UMODL1: variants seen among roughly 807,000 people sequenced by gnomAD.
The protein encoded by UMODL1 is uromodulin-like 1.
A neutral mutation model predicts 136.3 loss-of-function variants in UMODL1; 128 were observed. That is an observed-to-expected ratio of 0.94 (90% CI 0.81 to 1.09). UMODL1 has a LOEUF of 1.09. UMODL1 is among the 50% of genes least tolerant of loss of function. UMODL1 has a pLI of 0.00. For missense variants in UMODL1, 1,766 were observed against 1,725.6 expected (o/e 1.02, Z -0.41); for synonymous variants, 721 against 720.0 (o/e 1.00, Z -0.02).
chr21:42,075,241 TGG>T (rs35546438), intron 1 of UMODL1, among the ~76,000 whole-genome samples: 18 of 143,022 alleles, frequency 1.3e-4, no homozygotes, highest in South Asian at 1.2e-3. Context: ...TTGCTGGAGA[TGG>T]GGGGGGGGTT....
At position 42,110,958 on chromosome 21, in the gene UMODL1, C is replaced by T. The variant is rs373957343; in HGVS notation, c.1736C>T (p.Ala579Val). 6.8e-6 allele frequency: 11 copies of T among 1,613,080 alleles called. No individual in the cohort carries two copies. Among genetic ancestry groups the T allele is most frequent in the South Asian group, 4.4e-5 (4 of 90,774 alleles). ...GTCCCAGGTCTTGGCACGGGAACAG[C>T]AGCCCTCGGCCTAGAGAACTTCACC... The part of the protein sequence containing the change: ...VTVPGLGTGT[A>V]ALGLENFTLS... The change falls in exon 11 of 23, where the codon GCA becomes GTA. Residue 579 changes from alanine (A) to valine (V), a missense_variant. Ala to Val is a moderately conservative substitution (Grantham distance 64). Coordinates refer to ENST00000408910, the MANE Select transcript of UMODL1 (RefSeq NM_001004416.3).
At chr21:42,091,857 G>A (rs1184731548) in intron 6 of UMODL1, among the ~76,000 whole-genome samples, 1 of 152,240 alleles carries the variant, frequency 6.6e-6, no homozygotes, top group Non-Finnish European at 1.5e-5. Flanking sequence ...ACCTCCAGGT[G>A]ACACTTAAAC....
rs371714871 is a variant in UMODL1, at chr21:42,120,193, T to C, written c.2689+869T>C. 2.0e-5 allele frequency among the ~76,000 whole-genome samples: 3 copies of C among 152,386 alleles called. 1 individual carries two copies. In the East Asian group the frequency reaches 5.8e-4, roughly 29 times the overall value. ...GTCTCTTTACTGCTGACATGAATAC[T>C]GGTGAAAGTGTAGTGAGGCAGGTGT... On this transcript the variant is annotated intron_variant, in intron 15 of 22. Coordinates refer to ENST00000408910, the MANE Select transcript of UMODL1 (RefSeq NM_001004416.3).
upstream of UMODL1, among the ~76,000 whole-genome samples, chr21:42,067,551 G>A (rs531830854): frequency 2.0e-5 from 3 of 152,350 alleles, no homozygotes; most frequent in South Asian, 6.2e-4. Context: ...ACTGGACTGA[G>A]GGTATTTGGC....
At chr21:42,124,739 G>A (rs1022089197) in intron 17 of UMODL1, among the ~76,000 whole-genome samples, 1 of 152,126 alleles carries the variant, frequency 6.6e-6, no homozygotes, top group Non-Finnish European at 1.5e-5. Context: ...GGAACTCTGG[G>A]CCCTGGGCTT....
At chr21:42,112,563 CCCCAGCTGTTTTGTACCT>C (rs1244037781) in intron 12 of UMODL1, among the ~76,000 whole-genome samples, 13 of 151,780 alleles carry the variant, frequency 8.6e-5, no homozygotes, top group Admixed American at 3.9e-4. Flanking sequence ...TGTTCTGTAC[CCCCAGCTGTTTTGTACCT>C]CCCAGCTCTT....
chr21:42,075,220 A>T (rs1007944740), intron 1 of UMODL1, among the ~76,000 whole-genome samples: 13 of 142,414 alleles, frequency 9.1e-5, no homozygotes, highest in East Asian at 4.1e-4. Context: ...GCTAATTTTT[A>T]AAAAATATTT....
intron 1 of UMODL1, among the ~76,000 whole-genome samples, chr21:42,065,444 G>T (rs1305774923): frequency 6.6e-6 from 1 of 152,164 alleles, no homozygotes; most frequent in Non-Finnish European, 1.5e-5. Flanking sequence ...CGAAATGCTG[G>T]TGCAGGTGTG....
Position 42,113,766 on chromosome 21 carries a change from G to C in UMODL1, c.2298G>C (p.Leu766=). 2 of 1,614,102 alleles carry C rather than the reference G, an allele frequency of 1.2e-6. No homozygotes were observed. The highest frequency in any genetic ancestry group is 1.7e-6 in the Non-Finnish European group (2 of 1,180,036). ...GGCTGGAGCCTGGGGTCTTGCACCT[G>C]GTTGAGATCATGGCCAAAGCATGTG... is the stretch of plus-strand genomic sequence containing the variant. ...LSGLEPGVLH[L]VEIMAKACGK... Residue 766 remains leucine, a synonymous_variant, in exon 13 of 23, where the codon CTG becomes CTC. Coordinates refer to ENST00000408910, the MANE Select transcript of UMODL1 (RefSeq NM_001004416.3).
intron 11 of UMODL1, 87 bp downstream of exon 11, chr21:42,111,208 C>T (rs749456273): frequency 6.5e-7 from 1 of 1,529,654 alleles, no homozygotes; most frequent in Non-Finnish European, 8.8e-7. Context: ...GCCAGGGGAG[C>T]CTCAGACAGG....
In UMODL1 at chr21:42,108,840, G is replaced by A. The variant is rs910841909; in HGVS notation, c.1520-722G>A. On this transcript the variant is annotated intron_variant, in intron 9 of 22. Coordinates refer to ENST00000408910, the MANE Select transcript of UMODL1 (RefSeq NM_001004416.3). ...ACCCGGGTGCTCTAGAATATGGCGC[G>A]GGAAGTTCATGTTGTACTCCGCTGG... Among the ~76,000 whole-genome samples, 48 of 152,230 alleles carry A rather than the reference G, an allele frequency of 3.2e-4. 1 individual carries two copies. Among genetic ancestry groups the A allele is most frequent in the African/African-American group, 1.0e-3 (43 of 41,542 alleles).
intron 21 of UMODL1, among the ~76,000 whole-genome samples, chr21:42,137,199 C>T (rs1371237045): frequency 1.3e-5 from 2 of 152,252 alleles, no homozygotes; most frequent in Non-Finnish European, 2.9e-5. Flanking sequence ...ACCTGCTGGT[C>T]CCGCGCAGCC....
chr21:42,133,241 C>T (rs1291290993), intron 21 of UMODL1, among the ~76,000 whole-genome samples: 2 of 152,238 alleles, frequency 1.3e-5, no homozygotes. Flanking sequence ...ACAGGTTCCT[C>T]AGGACCTCAC....
chr21:42,140,449 A>C (rs220180), intron 22 of UMODL1, among the ~76,000 whole-genome samples: 1 of 151,200 alleles, frequency 6.6e-6, no homozygotes, highest in African/African-American at 2.4e-5. Flanking sequence ...CCCAGGTCAC[A>C]TGGCTGGGAG....
At chr21:42,070,527 T>C (rs528038388), upstream of UMODL1, among the ~76,000 whole-genome samples, 37 of 152,260 alleles carry the variant, frequency 2.4e-4, no homozygotes, top group Non-Finnish European at 4.7e-4. Flanking sequence ...CTTATATAAC[T>C]GTACAGAGTT....
chr21:42,063,314 C>T (rs1310151316), intron 1 of UMODL1: 1 of 152,364 alleles, frequency 6.6e-6, no homozygotes, highest in Non-Finnish European at 1.5e-5. Context: ...GTGACCTGGG[C>T]CAAGGGCCCT....
At chr21:42,116,063 G>C in intron 14 of UMODL1, 78 bp downstream of exon 14, 5 of 1,231,710 alleles carry the variant, frequency 4.1e-6, no homozygotes, top group South Asian at 1.3e-5. Context: ...GGTTAGGCAC[G>C]GTGGCTCACC....
Position 42,115,968 on chromosome 21 carries a change from G to C in UMODL1, c.2458G>C (p.Glu820Gln), listed in dbSNP as rs755554207. 8 of 1,613,204 alleles carry C rather than the reference G, an allele frequency of 5.0e-6. No homozygotes were observed. The highest frequency in any genetic ancestry group is 2.7e-5 in the African/African-American group (2 of 74,820). The stretch of plus-strand genomic sequence containing the variant: ...CAGCCAGGAGTATCGAGATTTCCTA[G>C]AACTATTCTTCAGGATGGTGAGTTG... ...ASSQEYRDFLELFFRMVRGSL... is the reference protein window; with the variant it reads ...ASSQEYRDFLQLFFRMVRGSL... Residue 820 changes from glutamate to glutamine, a missense_variant, in exon 14 of 23, where the codon GAA (glutamate) becomes CAA (glutamine). Coordinates refer to ENST00000408910, the MANE Select transcript of UMODL1 (RefSeq NM_001004416.3).
Position 42,134,760 on chromosome 21 carries a change from G to A in UMODL1, c.3776-2679G>A, listed in dbSNP as rs552568443. On this transcript the variant is annotated intron_variant, in intron 21 of 22. Coordinates refer to ENST00000408910, the MANE Select transcript of UMODL1 (RefSeq NM_001004416.3). ...CTCCTGAGTAGCTGGGACTACAGGC[G>A]CGCACTACCAAGTCTGGCTATTTTT... Among the ~76,000 whole-genome samples, 24 of 150,936 alleles carry A rather than the reference G, an allele frequency of 1.6e-4. 1 individual carries two copies. The highest frequency in any genetic ancestry group is 4.6e-4 in the Admixed American group (7 of 15,120).
Sources: gnomAD v4.1 joint callset for allele counts (sites outside exome capture counted in the v4.1 genomes callset) on GRCh38, gnomAD v4.1.1 for gene constraint, MANE v1.5 for transcripts, NCBI Gene and HGNC (gene_info 2026-07-23, HGNC 2026-07-21) for gene names.